Variants in SUGCT observed in about 807,000 individuals in gnomAD.
SUGCT encodes succinyl-CoA:glutarate-CoA transferase, also known as succinyl-CoA:glutarate CoA-transferase.
Under a neutral mutation model 55.0 loss-of-function variants are expected in SUGCT, and 41 were observed. The ratio of observed to expected loss-of-function variants is 0.74; its 90% confidence interval spans 0.58 to 0.97. The LOEUF (loss-of-function observed/expected upper bound fraction) is 0.97, where lower values mean the gene tolerates loss of function less well. Ranked by LOEUF, SUGCT falls within the 50% of genes least tolerant of loss-of-function variation. SUGCT has a pLI of 0.00. For synonymous variants in SUGCT, 187 were observed against 200.4 expected (o/e 0.93, Z 0.56); for missense variants, 568 against 547.8 (o/e 1.04, Z -0.37).
intron 7 of SUGCT, among the ~76,000 whole-genome samples, chr7:40,249,382 T>C (rs1161968645): frequency 7.3e-6 from 1 of 137,476 alleles, no homozygotes; most frequent in African/African-American, 2.7e-5. Flanking sequence ...ATACAAATAT[T>C]ACATATAATA....
intron 12 of SUGCT, among the ~76,000 whole-genome samples, chr7:40,624,517 G>A (rs991728749): frequency 2.6e-5 from 4 of 152,106 alleles, no homozygotes; most frequent in Admixed American, 1.3e-4. Context: ...GCATTAAGCC[G>A]ATTTTCCTAG....
chr7:40,560,523 C>G (rs1027733603), intron 12 of SUGCT, among the ~76,000 whole-genome samples: 1 of 152,178 alleles, frequency 6.6e-6, no homozygotes, highest in African/African-American at 2.4e-5. Flanking sequence ...ATGGAAAACA[C>G]AGAACTTCTG....
chr7:40,185,679 C>T (rs1430816759), intron 3 of SUGCT, among the ~76,000 whole-genome samples: 1 of 152,114 alleles, frequency 6.6e-6, no homozygotes, highest in Non-Finnish European at 1.5e-5. Context: ...TATGCCATCA[C>T]CCCCGGCTAA....
intron 8 of SUGCT, among the ~76,000 whole-genome samples, chr7:40,315,075 A>G (rs1795356146): frequency 6.6e-6 from 1 of 151,862 alleles, no homozygotes; most frequent in African/African-American, 2.4e-5. Flanking sequence ...TTAGGGTTTC[A>G]TGTATTATTT....
intron 1 of SUGCT, chr7:40,153,139 T>G (rs1788670023): frequency 5.0e-6 from 1 of 201,964 alleles, no homozygotes; most frequent in Non-Finnish European, 9.9e-6. Flanking sequence ...AAAAAAAGAG[T>G]TCATTCACTA....
intron 8 of SUGCT, among the ~76,000 whole-genome samples, chr7:40,306,282 C>G (rs996523391): frequency 1.3e-4 from 20 of 152,074 alleles, no homozygotes; most frequent in African/African-American, 4.3e-4. Flanking sequence ...CTGGGAAGGC[C>G]CTTTCCTTTG....
chr7:40,939,149 G>A, the SUGCT span, among the ~76,000 whole-genome samples: 1 of 152,136 alleles, frequency 6.6e-6, no homozygotes, highest in African/African-American at 2.4e-5. Context: ...CAATTATGGA[G>A]GAAGGAAAGG....
chr7:40,944,812 AAAG>A, the SUGCT span, among the ~76,000 whole-genome samples: 5 of 152,200 alleles, frequency 3.3e-5, no homozygotes, highest in Admixed American at 1.3e-4. Flanking sequence ...TGGAACCAAA[AAAG>A]AAGATGTGAC....
chr7:40,723,181 G>T (rs967931523), intron 12 of SUGCT, among the ~76,000 whole-genome samples: 4 of 151,712 alleles, frequency 2.6e-5, no homozygotes, highest in Admixed American at 2.0e-4. Flanking sequence ...TAGGCACTCA[G>T]CTGGCTCTGT....
intron 12 of SUGCT, among the ~76,000 whole-genome samples, chr7:40,523,858 C>T (rs1793676466): frequency 6.6e-6 from 1 of 152,044 alleles, no homozygotes; most frequent in Non-Finnish European, 1.5e-5. Flanking sequence ...ACTGTGGCTA[C>T]ATAGTACAGT....
At chr7:40,367,996 C>T (rs991398740) in intron 9 of SUGCT, among the ~76,000 whole-genome samples, 5 of 152,116 alleles carry the variant, frequency 3.3e-5, no homozygotes, top group African/African-American at 1.2e-4. Context: ...CTCTTCTAGC[C>T]TCTAAGCCTT....
intron 13 of SUGCT, among the ~76,000 whole-genome samples, chr7:40,791,244 A>G (rs573881070): frequency 6.6e-6 from 1 of 152,360 alleles, no homozygotes; most frequent in East Asian, 1.9e-4. Flanking sequence ...TTAGTGTAAC[A>G]CAAATTTGTC....
chr7:40,165,719 T>G (rs1784390430), intron 1 of SUGCT, among the ~76,000 whole-genome samples: 1 of 125,802 alleles, frequency 7.9e-6, no homozygotes. Flanking sequence ...TTCCTGTTCC[T>G]TAGAATAATC....
chr7:40,830,337 C>T (rs1487740662), intron 13 of SUGCT, among the ~76,000 whole-genome samples: 1 of 152,158 alleles, frequency 6.6e-6, no homozygotes, highest in Non-Finnish European at 1.5e-5. Context: ...GAGCACATAT[C>T]AACAGACCAT....
At chr7:40,325,032 A>G (rs776200733) in intron 9 of SUGCT, among the ~76,000 whole-genome samples, 61 of 152,130 alleles carry the variant, frequency 4.0e-4, no homozygotes, top group Non-Finnish European at 8.2e-4. Context: ...AAGCTGTGCT[A>G]TGTTATTTCT....
At chr7:41,028,347 T>G in the SUGCT span, among the ~76,000 whole-genome samples, 1 of 152,370 alleles carries the variant, frequency 6.6e-6, no homozygotes, top group Admixed American at 6.5e-5. Flanking sequence ...TGTCTAACAC[T>G]AAATAATCCC....
chr7:40,337,979 T>A (rs1032361125), intron 9 of SUGCT, among the ~76,000 whole-genome samples: 3 of 152,160 alleles, frequency 2.0e-5, no homozygotes, highest in African/African-American at 7.2e-5. Context: ...GCTTGTCTGT[T>A]AAGGATTTTA....
At chr7:40,713,735 G>A (rs975941717) in intron 12 of SUGCT, among the ~76,000 whole-genome samples, 2 of 152,146 alleles carry the variant, frequency 1.3e-5, no homozygotes, top group Non-Finnish European at 2.9e-5. Context: ...GTCAATTTGA[G>A]TGTTTGTCTG....
intron 12 of SUGCT, among the ~76,000 whole-genome samples, chr7:40,534,067 G>A (rs966297216): frequency 7.2e-5 from 11 of 152,092 alleles, no homozygotes; most frequent in South Asian, 2.1e-4. Flanking sequence ...CTTAGGATTG[G>A]CATAAATTTT....
Sources: gnomAD v4.1 joint callset for allele counts (sites outside exome capture counted in the v4.1 genomes callset) on GRCh38, gnomAD v4.1.1 for gene constraint, MANE v1.5 for transcripts, NCBI Gene and HGNC (gene_info 2026-07-23, HGNC 2026-07-21) for gene names.